The following ZNF773 variants were observed in gnomAD, a reference collection of about 807,000 sequenced individuals.
ZNF773 encodes the protein zinc finger protein 773.
A neutral mutation model predicts 12.8 loss-of-function variants in ZNF773; 11 were observed. The ratio of observed to expected loss-of-function variants is 0.86; its 90% CI spans 0.54 to 1.42. The LOEUF is 1.42. Among genes scored for constraint, ZNF773 ranks in the 40% most tolerant of loss-of-function variants. The pLI, the probability that ZNF773 is intolerant of heterozygous loss-of-function variation, is 0.00. For synonymous variants in ZNF773, 175 were observed against 178.4 expected, an observed-to-expected ratio of 0.98 and a Z score of 0.15; for missense variants, 518 against 527.2, an observed-to-expected ratio of 0.98 and a Z score of 0.17.
rs1273329542 is a variant in ZNF773 at position 57,503,423 on chromosome 19, G to A, written c.34-1234G>A. On this transcript the variant is annotated intron_variant, in intron 1 of 3. Coordinates refer to ENST00000282292, the MANE Select transcript of ZNF773 (RefSeq NM_198542.3). The stretch of plus-strand genomic sequence containing the variant: ...GGGAAAGGGATGTAGGGGTAAGGAG[G>A]GTCTGACTAGTGGCCAAAGTTCCTG... 2.0e-5 allele frequency among the ~76,000 whole-genome samples: 3 copies of A among 152,082 alleles called. No homozygotes were observed. In the East Asian group the frequency reaches 5.8e-4, roughly 29 times the overall value.
In ZNF773 at chr19:57,499,956, C is replaced by A; in HGVS notation, c.-125C>A. 1 of 1,318,222 alleles carries A rather than the reference C, an allele frequency of 7.6e-7. No homozygotes were observed. The allele number at this position is 1,318,222 out of a possible 1,614,324, so 81.7% of individuals were successfully genotyped here. On this transcript the variant is annotated 5_prime_UTR_variant, in exon 1 of 4. Transcript: ENST00000282292. ...GCTGGTTGTTCGCTGCGGCGACCAG[C>A]TCCGGAAAGCGCGGTGGGGACGCGC...
At position 57,506,781 on chromosome 19, in the gene ZNF773, G is replaced by C. The variant is rs768330529; in HGVS notation, c.686G>C (p.Ser229Thr). 1.9e-6 allele frequency: 3 copies of C among 1,614,134 alleles called. No individual in the cohort carries two copies. The East Asian group carries it at 6.7e-5, about 36-fold the overall frequency. ...YECSECGKLF[S>T]HKSNLFIHQI... The stretch of plus-strand genomic sequence containing the variant: ...TGCAGTGAATGTGGGAAGTTATTTA[G>C]CCATAAGTCCAACCTTTTTATACAC... The change falls in exon 4 of 4, where the codon AGC becomes ACC. Residue 229 changes from serine (S) to threonine (T), a missense_variant. Ser to Thr is a moderately conservative substitution (Grantham distance 58). Coordinates refer to ENST00000282292, the MANE Select transcript of ZNF773 (RefSeq NM_198542.3).
chr19:57,508,686 T>C (rs776102139), downstream of ZNF773: 88 of 609,136 alleles, frequency 1.4e-4, no homozygotes, highest in Non-Finnish European at 1.2e-4. Flanking sequence ...ACTGACAGTT[T>C]ACATGTATGG....
downstream of ZNF773, among the ~76,000 whole-genome samples, chr19:57,509,868 A>C (rs1394858405): frequency 2.0e-5 from 3 of 152,238 alleles, no homozygotes; most frequent in Non-Finnish European, 4.4e-5. Flanking sequence ...CTTTTATGAA[A>C]TATTAAAGGA....
Position 57,501,126 on chromosome 19 carries a change from A to C in ZNF773, c.33+1013A>C, listed in dbSNP as rs2885057. ...AGGTCAGCCAGGCTGGTGGAGCAGC[A>C]CCTTTGGTGCCTAAGTTTCCCTAGC... On this transcript the variant is annotated intron_variant, in intron 1 of 3. Coordinates refer to ENST00000282292, the MANE Select transcript of ZNF773 (RefSeq NM_198542.3). Among the ~76,000 whole-genome samples the C allele has an allele frequency of 3.9e-3, 600 of 152,090 alleles. 10 individuals carry two copies. Among genetic ancestry groups the C allele is most frequent in the African/African-American group, 0.014 (581 of 41,448 alleles).
chr19:57,515,788 A>G (rs971346786), downstream of ZNF773: 14 of 152,220 alleles, frequency 9.2e-5, no homozygotes, highest in African/African-American at 3.4e-4. Context: ...GGGCACATCA[A>G]ACATTACAAT....
At chr19:57,518,401 GAAGA>G (rs1189026178) in exon 5 of ZNF773, 3 of 152,416 alleles carry the variant, frequency 2.0e-5, no homozygotes, top group Non-Finnish European at 4.4e-5. Context: ...TTGTTCCCTA[GAAGA>G]AAGGAGCCGC....
At chr19:57,512,992 T>G, downstream of ZNF773, 1 of 1,530,290 alleles carries the variant, frequency 6.5e-7, no homozygotes, top group Non-Finnish European at 8.8e-7. Context: ...CTTTTTGTCT[T>G]CATTTCTGCA....
downstream of ZNF773, chr19:57,517,525 T>C (rs2089839108): frequency 2.0e-5 from 3 of 152,078 alleles, no homozygotes; most frequent in Admixed American, 2.0e-4. Flanking sequence ...GTGTGAAAAA[T>C]TGGATGTGCA....
At chr19:57,500,272 C>T (rs1056412152) in intron 1 of ZNF773, among the ~76,000 whole-genome samples, 159 bp downstream of exon 1, 52 of 152,008 alleles carry the variant, frequency 3.4e-4, no homozygotes, top group African/African-American at 1.2e-3. Context: ...GGGCCCGGCT[C>T]GCAAAGATGT....
downstream of ZNF773, among the ~76,000 whole-genome samples, chr19:57,511,831 A>G (rs1484710371): frequency 6.6e-6 from 1 of 151,838 alleles, no homozygotes; most frequent in East Asian, 1.9e-4. Context: ...TCAACAACAT[A>G]AAAAATAAAC....
In ZNF773 at chr19:57,507,454, A is replaced by G. The variant is rs1172653766; in HGVS notation, c.*30A>G. Reference sequence around the variant, plus strand: ...GAGAAATCCTTTAGCTGGTGTTTCAACCTCATTCAACACCAGAAAGTTCAC... The same window carrying G: ...GAGAAATCCTTTAGCTGGTGTTTCAGCCTCATTCAACACCAGAAAGTTCAC... On this transcript the variant is annotated 3_prime_UTR_variant, in exon 4 of 4. Transcript: ENST00000282292. 5 of 1,551,570 alleles carry G rather than the reference A, an allele frequency of 3.2e-6. No individual in the cohort carries two copies. In the African/African-American group the frequency reaches 4.1e-5, roughly 13 times the overall value.
chr19:57,502,241 C>T (rs2089679124), intron 1 of ZNF773, among the ~76,000 whole-genome samples: 1 of 152,138 alleles, frequency 6.6e-6, no homozygotes, highest in African/African-American at 2.4e-5. Flanking sequence ...CACGCCTGGC[C>T]CAGATTATAT....
chr19:57,506,790 C>T lies in ZNF773; in HGVS notation c.695C>T (p.Ser232Phe). The change falls in exon 4 of 4, where the codon TCC (serine) becomes TTC (phenylalanine). Residue 232 changes from serine (S) to phenylalanine (F), a missense_variant. Physicochemically the swap from Ser to Phe is radical, Grantham distance 155. Coordinates refer to ENST00000282292, the MANE Select transcript of ZNF773 (RefSeq NM_198542.3). The part of the protein sequence containing the change: ...SECGKLFSHK[S>F]NLFIHQIVHT... ...TGTGGGAAGTTATTTAGCCATAAGT[C>T]CAACCTTTTTATACACCAAATAGTT... 1.2e-6 allele frequency: 2 copies of T among 1,614,226 alleles called. No homozygotes were observed. The highest frequency in any genetic ancestry group is 1.7e-6 in the Non-Finnish European group (2 of 1,180,048).
At chr19:57,512,070 T>C (rs2123283119), downstream of ZNF773, among the ~76,000 whole-genome samples, 1 of 152,338 alleles carries the variant, frequency 6.6e-6, no homozygotes, top group South Asian at 2.1e-4. Context: ...ATTTTCTCTA[T>C]CATGACTGTG....
chr19:57,507,480 A>T lies in ZNF773; in HGVS notation c.*56A>T, dbSNP rs2066936. On this transcript the variant is annotated 3_prime_UTR_variant, in exon 4 of 4. Transcript: ENST00000282292. ...CCTCATTCAACACCAGAAAGTTCAC[A>T]GTGTAAAAAAGTCTTGAAGGTTACT... 1 of 1,532,170 alleles carries T rather than the reference A, an allele frequency of 6.5e-7. No individual in the cohort carries two copies. Among genetic ancestry groups the T allele is most frequent in the Non-Finnish European group, 8.7e-7 (1 of 1,145,606 alleles). 94.9% of individuals were successfully genotyped at this position (1,532,170 alleles called of 1,614,324 possible). A position where few individuals can be genotyped will look rare whatever the true frequency, so the allele number is the denominator to read the frequency against.
rs141492294 is a variant in ZNF773 at position 57,506,006 on chromosome 19, T to A, written c.263-352T>A. ...TTACAGGCATGAGGCACCGCGCCCA[T>A]CCTGCAGTTGTTTTTTTCTGGACCT... On this transcript the variant is annotated intron_variant, in intron 3 of 3. Transcript: ENST00000282292. Among the ~76,000 whole-genome samples the A allele has an allele frequency of 1.0e-2, 1,521 of 152,136 alleles. 11 individuals carry two copies. Among genetic ancestry groups the A allele is most frequent in the Middle Eastern group, 0.031 (9 of 294 alleles).
chr19:57,513,321 A>G (rs1301559100), downstream of ZNF773: 3 of 323,994 alleles, frequency 9.3e-6, no homozygotes, highest in South Asian at 1.4e-4. Context: ...GCAGGAGGTT[A>G]TCACGCATAA....
At chr19:57,516,748 C>T (rs2089834489), downstream of ZNF773, 1 of 152,238 alleles carries the variant, frequency 6.6e-6, no homozygotes, top group Admixed American at 6.5e-5. Context: ...AATTCTCACC[C>T]CTGTCCTTGG....
Sources: allele counts gnomAD v4.1 joint callset (sites outside exome capture counted in the v4.1 genomes callset), GRCh38; gene constraint gnomAD v4.1.1; transcripts MANE v1.5; gene names NCBI Gene and HGNC (gene_info 2026-07-23, HGNC 2026-07-21).